Variants in AGBL4 observed in about 807,000 individuals in gnomAD.
The protein encoded by AGBL4 is AGBL carboxypeptidase 4, also known as cytosolic carboxypeptidase 6.
AGBL4 carries 58 observed loss-of-function variants against 66.4 expected under a neutral mutation model. That is an observed-to-expected ratio of 0.87 (90% CI 0.71 to 1.09). The LOEUF is 1.09. AGBL4 is among the 50% of genes least tolerant of loss of function. The probability of loss-of-function intolerance (pLI) is 0.00; values close to 1 mark genes in which losing one functional copy is unlikely to be tolerated. For synonymous variants in AGBL4, 234 were observed against 222.9 expected, an observed-to-expected ratio of 1.05 and a Z score of -0.44; for missense variants, 579 against 631.0, an observed-to-expected ratio of 0.92 and a Z score of 0.88.
intron 3 of AGBL4, among the ~76,000 whole-genome samples, chr1:49,313,124 G>A (rs1644971112): frequency 6.6e-6 from 1 of 151,922 alleles, no homozygotes; most frequent in South Asian, 2.1e-4. Context: ...AACATGCGGT[G>A]TTTGGTTTTC....
At chr1:49,881,026 A>G (rs1647243633) in intron 1 of AGBL4, among the ~76,000 whole-genome samples, 1 of 152,120 alleles carries the variant, frequency 6.6e-6, no homozygotes, top group Non-Finnish European at 1.5e-5. Flanking sequence ...GCTCGCGCAC[A>G]GTGCGCGCAC....
chr1:49,886,260 C>G (rs530624323), intron 1 of AGBL4, among the ~76,000 whole-genome samples: 1 of 152,210 alleles, frequency 6.6e-6, no homozygotes, highest in African/African-American at 2.4e-5. Flanking sequence ...AATTGAGATA[C>G]CTATATTCAG....
intron 5 of AGBL4, among the ~76,000 whole-genome samples, chr1:48,916,100 C>T (rs1469893649): frequency 6.6e-6 from 1 of 152,120 alleles, no homozygotes; most frequent in Non-Finnish European, 1.5e-5. Flanking sequence ...TTGTTTTAGC[C>T]ATATATCCTG....
chr1:48,939,192 C>A (rs1655733781), intron 5 of AGBL4, among the ~76,000 whole-genome samples: 1 of 152,216 alleles, frequency 6.6e-6, no homozygotes, highest in South Asian at 2.1e-4. Flanking sequence ...TCAGTATATA[C>A]TTAGCACACA....
intron 2 of AGBL4, among the ~76,000 whole-genome samples, chr1:49,754,401 A>G (rs1651728077): frequency 6.6e-6 from 1 of 151,092 alleles, no homozygotes; most frequent in Non-Finnish European, 1.5e-5. Context: ...GTTAATGTTG[A>G]TGCCATTGCT....
At chr1:49,285,793 C>T (rs1209795528) in intron 3 of AGBL4, among the ~76,000 whole-genome samples, 1 of 152,096 alleles carries the variant, frequency 6.6e-6, no homozygotes, top group African/African-American at 2.4e-5. Flanking sequence ...AATTCCTCCA[C>T]ACATACACTC....
intron 10 of AGBL4, among the ~76,000 whole-genome samples, chr1:48,589,020 G>C (rs748817799): frequency 7.9e-5 from 12 of 152,156 alleles, no homozygotes; most frequent in Non-Finnish European, 1.0e-4. Context: ...GAGGGTCTCT[G>C]AGGCCTATGA....
chr1:49,077,120 C>T (rs1054912708), intron 4 of AGBL4, among the ~76,000 whole-genome samples: 1 of 152,058 alleles, frequency 6.6e-6, no homozygotes, highest in Admixed American at 6.6e-5. Context: ...GTGTCTCCCT[C>T]TCATAGATGG....
intron 11 of AGBL4, among the ~76,000 whole-genome samples, chr1:48,547,827 G>C (rs562953202): frequency 2.3e-4 from 35 of 152,208 alleles, no homozygotes; most frequent in Non-Finnish European, 4.7e-4. Context: ...ACACAAGTGG[G>C]AATCAAGAGA....
chr1:48,586,849 C>A, intron 11 of AGBL4, 155 bp downstream of exon 11: 1 of 970,256 alleles, frequency 1.0e-6, no homozygotes, highest in Non-Finnish European at 1.5e-6. Context: ...GCAAACTGGA[C>A]AATCCAAAGA....
intron 3 of AGBL4, among the ~76,000 whole-genome samples, chr1:49,507,790 T>A (rs1173500651): frequency 1.3e-5 from 2 of 151,906 alleles, no homozygotes; most frequent in Non-Finnish European, 2.9e-5. Flanking sequence ...CAAGGATTCA[T>A]AATTTTATTA....
chr1:49,695,561 G>C lies in AGBL4; in HGVS notation c.282+1752C>G, dbSNP rs543449373. Among the ~76,000 whole-genome samples, 12 of 152,224 alleles carry C rather than the reference G, an allele frequency of 7.9e-5. No homozygotes were observed. The South Asian group carries it at 1.4e-3, about 18-fold the overall frequency. On this transcript the variant is annotated intron_variant, in intron 3 of 13. Coordinates refer to ENST00000371839, the MANE Select transcript of AGBL4 (RefSeq NM_032785.4). ...AGGGTTTTCCTAAGATCAGGGGAAAGAGAATGCCTACTGTTACTGTGAAAA... is the reference window on the plus strand; with the variant it reads ...AGGGTTTTCCTAAGATCAGGGGAAACAGAATGCCTACTGTTACTGTGAAAA...
At chr1:48,952,026 C>T (rs1318873650) in intron 5 of AGBL4, among the ~76,000 whole-genome samples, 1 of 152,192 alleles carries the variant, frequency 6.6e-6, no homozygotes, top group Non-Finnish European at 1.5e-5. Context: ...TAAGTTTTGT[C>T]TAATTTCAAA....
chr1:49,036,569 T>G (rs1000791369), intron 5 of AGBL4, among the ~76,000 whole-genome samples: 5 of 151,862 alleles, frequency 3.3e-5, no homozygotes, highest in Admixed American at 1.3e-4. Flanking sequence ...ATTGTCTTAT[T>G]TATTTATTTA....
At chr1:48,874,993 C>T (rs1238621398) in intron 5 of AGBL4, among the ~76,000 whole-genome samples, 2 of 152,164 alleles carry the variant, frequency 1.3e-5, no homozygotes, top group Non-Finnish European at 2.9e-5. Flanking sequence ...CTTGCCTCAA[C>T]TCCATGACTC....
intron 1 of AGBL4, among the ~76,000 whole-genome samples, chr1:49,976,125 C>G (rs1658533161): frequency 6.6e-6 from 1 of 152,170 alleles, no homozygotes; most frequent in Non-Finnish European, 1.5e-5. Flanking sequence ...GACAAACAGG[C>G]TTCACTTTGG....
At chr1:48,882,504 G>A (rs932212725) in intron 5 of AGBL4, among the ~76,000 whole-genome samples, 10 of 151,920 alleles carry the variant, frequency 6.6e-5, no homozygotes, top group Admixed American at 2.6e-4. Context: ...TTCTCACATG[G>A]CTATAAAGAA....
chr1:49,612,293 ATTC>A (rs1645169629), intron 3 of AGBL4, among the ~76,000 whole-genome samples: 1 of 152,218 alleles, frequency 6.6e-6, no homozygotes, highest in Non-Finnish European at 1.5e-5. Flanking sequence ...AGCTGCTGTT[ATTC>A]TTGTTGTTTT....
intron 5 of AGBL4, among the ~76,000 whole-genome samples, chr1:48,869,717 G>A (rs1032958832): frequency 6.6e-6 from 1 of 152,100 alleles, no homozygotes; most frequent in African/African-American, 2.4e-5. Flanking sequence ...GTGCTTACAG[G>A]CTCCCTCTTC....
Sources: gnomAD v4.1 joint callset for allele counts (sites outside exome capture counted in the v4.1 genomes callset) on GRCh38, gnomAD v4.1.1 for gene constraint, MANE v1.5 for transcripts, NCBI Gene and HGNC (gene_info 2026-07-23, HGNC 2026-07-21) for gene names.